DAP: variants seen among roughly 807,000 people sequenced by gnomAD.
DAP encodes the protein death associated protein.
DAP carries 8 observed loss-of-function variants against 13.8 expected under a neutral mutation model. The ratio of observed to expected loss-of-function variants is 0.58; its 90% CI spans 0.34 to 1.05. DAP has a LOEUF of 1.05. DAP is among the 50% of genes least tolerant of loss of function. The pLI is 0.03. For missense variants in DAP, 106 were observed against 133.2 expected, an observed-to-expected ratio of 0.80 and a Z score of 1.01; for synonymous variants, 47 against 47.5, an observed-to-expected ratio of 0.99 and a Z score of 0.04.
intron 2 of DAP, among the ~76,000 whole-genome samples, chr5:10,743,239 A>C (rs1345329682): frequency 6.6e-6 from 1 of 152,188 alleles, no homozygotes; most frequent in Non-Finnish European, 1.5e-5. Context: ...TCCAAAGTTA[A>C]TTAGGTAACT....
At chr5:10,688,507 T>C (rs1738213562) in intron 2 of DAP, among the ~76,000 whole-genome samples, 2 of 152,232 alleles carry the variant, frequency 1.3e-5, no homozygotes, top group Non-Finnish European at 1.5e-5. Flanking sequence ...GGACTCACTT[T>C]ATCACAATAT....
At chr5:10,702,453 TG>T (rs568676170) in intron 2 of DAP, among the ~76,000 whole-genome samples, 62 of 152,318 alleles carry the variant, frequency 4.1e-4, no homozygotes, top group Admixed American at 3.9e-3. Context: ...CTGCTGGCCA[TG>T]GGTTGATATC....
chr5:10,706,780 C>A (rs1285563299), intron 2 of DAP, among the ~76,000 whole-genome samples: 1 of 152,140 alleles, frequency 6.6e-6, no homozygotes, highest in African/African-American at 2.4e-5. Context: ...AATGAAGAGG[C>A]CAACAGATGT....
Position 10,681,100 on chromosome 5 carries a change from G to C in DAP, c.265C>G (p.His89Asp). Residue 89 changes from histidine to aspartate, a missense_variant, in exon 4 of 4, where the codon CAT becomes GAT. Physicochemically the swap from His to Asp is moderately conservative, Grantham distance 81. Transcript: ENST00000230895. ...ATGTGCTGGGTTCTTGGGGAAGGAT[G>C]CTTGTCCATGGAGGCATGCGGCTTC... ...HQKPHASMDK[H>D]PSPRTQHIQQ... 2 of 1,590,698 alleles carry C rather than the reference G, an allele frequency of 1.3e-6. No individual in the cohort carries two copies. Among genetic ancestry groups the C allele is most frequent in the Non-Finnish European group, 1.7e-6 (2 of 1,167,670 alleles).
chr5:10,705,874 A>G (rs1008112893), intron 2 of DAP, among the ~76,000 whole-genome samples: 3 of 152,218 alleles, frequency 2.0e-5, no homozygotes, highest in African/African-American at 7.2e-5. Context: ...GTGAGACATT[A>G]GTTCCATGAG....
At chr5:10,725,435 G>A (rs559778733) in intron 2 of DAP, among the ~76,000 whole-genome samples, 6 of 152,308 alleles carry the variant, frequency 3.9e-5, no homozygotes, top group East Asian at 3.9e-4. Flanking sequence ...CACAAGATCC[G>A]AAGACTCACC....
At chr5:10,749,725 G>A (rs965119212) in intron 1 of DAP, among the ~76,000 whole-genome samples, 11 of 146,160 alleles carry the variant, frequency 7.5e-5, no homozygotes, top group African/African-American at 2.5e-4. Context: ...GCTCTCCCCA[G>A]CCTATCTGAC....
intron 2 of DAP, among the ~76,000 whole-genome samples, chr5:10,746,157 T>C (rs1739899076): frequency 6.6e-6 from 1 of 152,210 alleles, no homozygotes; most frequent in African/African-American, 2.4e-5. Context: ...TTTATTCTCC[T>C]AAAAGCAGTA....
At chr5:10,694,017 G>T (rs1738372685) in intron 2 of DAP, among the ~76,000 whole-genome samples, 1 of 152,154 alleles carries the variant, frequency 6.6e-6, no homozygotes, top group Admixed American at 6.5e-5. Context: ...CTTGCTTGGG[G>T]TCCTGGGGGT....
At chr5:10,721,548 A>T (rs1739142408) in intron 2 of DAP, among the ~76,000 whole-genome samples, 1 of 152,196 alleles carries the variant, frequency 6.6e-6, no homozygotes, top group South Asian at 2.1e-4. Flanking sequence ...GTATGCATGG[A>T]ATACAGGAGA....
chr5:10,706,366 T>C (rs533251425), intron 2 of DAP, among the ~76,000 whole-genome samples: 1 of 152,318 alleles, frequency 6.6e-6, no homozygotes, highest in Admixed American at 6.5e-5. Flanking sequence ...AGTTTACAGA[T>C]AAGGACACAT....
intron 2 of DAP, among the ~76,000 whole-genome samples, chr5:10,721,234 G>T (rs1411493748): frequency 6.6e-6 from 1 of 152,218 alleles, no homozygotes; most frequent in Non-Finnish European, 1.5e-5. Flanking sequence ...GAACTAAGAG[G>T]TGGAAGTGGA....
At chr5:10,714,468 T>A (rs1006084716) in intron 2 of DAP, among the ~76,000 whole-genome samples, 4 of 152,154 alleles carry the variant, frequency 2.6e-5, no homozygotes, top group African/African-American at 7.2e-5. Context: ...TTAAAAAAAA[T>A]TACAATTTAA....
rs1012633334 is a variant in DAP, at chr5:10,716,247, C to T, written c.152+31928G>A. ...AAACTGCTGGTAAGAAGATAAAATG[C>T]GACTAAGAGAAATTGTGCTTTCAAT... is the stretch of plus-strand genomic sequence containing the variant. On this transcript the variant is annotated intron_variant, in intron 2 of 3. Transcript: ENST00000230895. Among the ~76,000 whole-genome samples the T allele has an allele frequency of 7.2e-5, 11 of 152,152 alleles. 1 individual carries two copies. The highest frequency in any genetic ancestry group is 4.6e-4 in the Admixed American group (7 of 15,278).
At chr5:10,718,334 G>A (rs1489549781) in intron 2 of DAP, among the ~76,000 whole-genome samples, 13 of 152,190 alleles carry the variant, frequency 8.5e-5, no homozygotes, top group Admixed American at 6.5e-4. Flanking sequence ...CAATCCCCCA[G>A]TGCCAGGCTG....
intron 2 of DAP, among the ~76,000 whole-genome samples, chr5:10,687,436 A>C (rs940005143): frequency 1.3e-5 from 2 of 152,242 alleles, no homozygotes; most frequent in Admixed American, 6.5e-5. Context: ...AGGTCAAAAT[A>C]TCAATATTAA....
intron 2 of DAP, among the ~76,000 whole-genome samples, chr5:10,692,214 CAT>C (rs1484846604): frequency 7.1e-6 from 1 of 140,146 alleles, no homozygotes; most frequent in Non-Finnish European, 1.5e-5. Flanking sequence ...ACATGTAACT[CAT>C]ATAAAAATTG....
chr5:10,751,628 C>A (rs1392504923), intron 1 of DAP, among the ~76,000 whole-genome samples: 1 of 152,090 alleles, frequency 6.6e-6, no homozygotes, highest in Admixed American at 6.5e-5. Context: ...ACTGACATAC[C>A]CTTAAATTGT....
intron 2 of DAP, among the ~76,000 whole-genome samples, chr5:10,736,574 T>C (rs1739619204): frequency 6.6e-6 from 1 of 152,174 alleles, no homozygotes; most frequent in Non-Finnish European, 1.5e-5. Context: ...CTGTCAACTT[T>C]CTGCCGCCCA....
Sources: allele counts gnomAD v4.1 joint callset (sites outside exome capture counted in the v4.1 genomes callset), GRCh38; gene constraint gnomAD v4.1.1; transcripts MANE v1.5; gene names NCBI Gene and HGNC (gene_info 2026-07-23, HGNC 2026-07-21).